FAT3: variants seen among roughly 807,000 people sequenced by gnomAD.
FAT3 encodes the protein protocadherin Fat 3.
In FAT3, 95 loss-of-function variants were observed where a neutral mutation model predicts 310.2. The observed-to-expected ratio is 0.31, with a 90% CI of 0.26 to 0.36. The LOEUF (loss-of-function observed/expected upper bound fraction) is 0.36. FAT3 is among the 10% of genes least tolerant of loss of function. The pLI, the probability that FAT3 is intolerant of heterozygous loss-of-function variation, is 1.00. For missense variants in FAT3, 5,408 were observed against 5,715.6 expected, an observed-to-expected ratio of 0.95 and a Z score of 1.74; for synonymous variants, 2,314 against 2,192.9, an observed-to-expected ratio of 1.06 and a Z score of -1.54.
intron 3 of FAT3, among the ~76,000 whole-genome samples, chr11:92,566,359 A>G (rs1017387297): frequency 2.0e-5 from 3 of 152,176 alleles, no homozygotes; most frequent in Admixed American, 2.0e-4. Context: ...AAGGAGAACT[A>G]CAAACCACTG....
chr11:92,702,145 A>C (rs1944115160), intron 4 of FAT3, among the ~76,000 whole-genome samples: 1 of 152,178 alleles, frequency 6.6e-6, no homozygotes, highest in African/African-American at 2.4e-5. Flanking sequence ...GAGTAGATTA[A>C]ATGACAGGTG....
chr11:92,430,482 G>A (rs1285139202), intron 2 of FAT3, among the ~76,000 whole-genome samples: 2 of 151,306 alleles, frequency 1.3e-5, no homozygotes, highest in Non-Finnish European at 2.9e-5. Flanking sequence ...TCTACCTTTG[G>A]TCTTTGATTT....
At chr11:92,226,549 G>A (rs1863915830) in intron 1 of FAT3, among the ~76,000 whole-genome samples, 1 of 151,924 alleles carries the variant, frequency 6.6e-6, no homozygotes, top group Non-Finnish European at 1.5e-5. Context: ...ACATCCTGAG[G>A]CTGCAGCTCG....
intron 3 of FAT3, among the ~76,000 whole-genome samples, chr11:92,661,306 T>C (rs535514613): frequency 6.6e-6 from 1 of 152,246 alleles, no homozygotes; most frequent in South Asian, 2.1e-4. Context: ...GGGATAACCT[T>C]GATTAAAGAT....
chr11:92,592,237 A>G (rs1939465193), intron 3 of FAT3, among the ~76,000 whole-genome samples: 1 of 152,000 alleles, frequency 6.6e-6, no homozygotes, highest in South Asian at 2.1e-4. Context: ...CAAACATGTA[A>G]CAGTTTTAAA....
At chr11:92,515,917 T>A (rs1953466393) in intron 2 of FAT3, among the ~76,000 whole-genome samples, 1 of 151,800 alleles carries the variant, frequency 6.6e-6, no homozygotes, top group African/African-American at 2.4e-5. Flanking sequence ...TTATAAAAAA[T>A]TGGTTAGAAG....
chr11:92,646,877 C>T (rs1942187897), intron 3 of FAT3, among the ~76,000 whole-genome samples: 1 of 152,162 alleles, frequency 6.6e-6, no homozygotes, highest in Non-Finnish European at 1.5e-5. Flanking sequence ...TTTGGAAGGA[C>T]TTGTAGGAAA....
intron 19 of FAT3, among the ~76,000 whole-genome samples, chr11:92,847,501 GT>G (rs1210649039): frequency 1.2e-4 from 19 of 152,186 alleles, no homozygotes; most frequent in African/African-American, 4.6e-4. Flanking sequence ...TGACCGTAAT[GT>G]GATTTTCCTA....
chr11:92,740,000 G>A (rs1176542500), intron 4 of FAT3, among the ~76,000 whole-genome samples: 1 of 152,088 alleles, frequency 6.6e-6, no homozygotes, highest in Non-Finnish European at 1.5e-5. Flanking sequence ...AACTATCTGG[G>A]CAATGTCATG....
Position 92,882,797 on chromosome 11 carries a change from T to A in FAT3, c.12341T>A (p.Val4114Glu), listed in dbSNP as rs1949703434. 1 of 1,611,984 alleles carries A rather than the reference T, an allele frequency of 6.2e-7. No individual in the cohort carries two copies. Among genetic ancestry groups the A allele is most frequent in the African/African-American group, 1.3e-5 (1 of 74,904 alleles). Residue 4114 changes from valine (V) to glutamate (E), a missense_variant, in exon 24 of 28, where the codon GTG becomes GAG. Val to Glu is a moderately radical substitution (Grantham distance 121). Coordinates refer to ENST00000525166, the MANE Select transcript of FAT3 (RefSeq NM_001367949.2). The stretch of plus-strand genomic sequence containing the variant: ...GAGTGTGAGAACGGAGGCTCCTGCG[T>A]GAACGTGTTCGGCTCCTTCCTCTGC... ...REECENGGSC[V>E]NVFGSFLCNC...
At chr11:92,730,456 A>C (rs930126615) in intron 4 of FAT3, among the ~76,000 whole-genome samples, 1 of 152,192 alleles carries the variant, frequency 6.6e-6, no homozygotes, top group Non-Finnish European at 1.5e-5. Context: ...TTATTTGGCT[A>C]TTTGGAAGGT....
chr11:92,671,162 A>G (rs1296782084), intron 3 of FAT3, among the ~76,000 whole-genome samples: 1 of 151,894 alleles, frequency 6.6e-6, no homozygotes, highest in Non-Finnish European at 1.5e-5. Flanking sequence ...CTTGTGCCTC[A>G]GCCTCCTGAG....
chr11:92,237,856 T>C (rs1160801870), intron 1 of FAT3, among the ~76,000 whole-genome samples: 1 of 152,202 alleles, frequency 6.6e-6, no homozygotes, highest in Non-Finnish European at 1.5e-5. Context: ...TGAGTATTAC[T>C]ATCTGAGATC....
intron 2 of FAT3, among the ~76,000 whole-genome samples, chr11:92,491,963 C>T (rs1210369835): frequency 6.6e-6 from 1 of 151,952 alleles, no homozygotes; most frequent in African/African-American, 2.4e-5. Flanking sequence ...ATCCACAGCC[C>T]CTGTATCCAT....
At chr11:92,343,468 C>G (rs1486183530) in intron 1 of FAT3, among the ~76,000 whole-genome samples, 1 of 151,960 alleles carries the variant, frequency 6.6e-6, no homozygotes, top group African/African-American at 2.4e-5. Flanking sequence ...ATGACCTTGG[C>G]TTTTGGTTTT....
At chr11:92,385,778 C>T (rs1050803460) in intron 2 of FAT3, among the ~76,000 whole-genome samples, 5 of 152,018 alleles carry the variant, frequency 3.3e-5, no homozygotes, top group African/African-American at 1.2e-4. Flanking sequence ...AGTTTTTTAC[C>T]TCTTATAAAT....
chr11:92,865,272 G>A (rs181115009), intron 21 of FAT3, among the ~76,000 whole-genome samples: 4 of 152,342 alleles, frequency 2.6e-5, no homozygotes, highest in East Asian at 1.9e-4. Flanking sequence ...AATACGTGAC[G>A]TGTGAGAATG....
intron 3 of FAT3, among the ~76,000 whole-genome samples, chr11:92,536,044 G>T (rs574869926): frequency 1.3e-5 from 2 of 152,298 alleles, no homozygotes; most frequent in East Asian, 3.9e-4. Context: ...AGAACTTAAA[G>T]TCCAGTTTTA....
intron 1 of FAT3, among the ~76,000 whole-genome samples, chr11:92,228,499 T>C (rs547662864): frequency 6.6e-6 from 1 of 152,348 alleles, no homozygotes; most frequent in African/African-American, 2.4e-5. Context: ...GAAGAACATT[T>C]TGATGTGTCA....
Sources: gnomAD v4.1 joint callset for allele counts (sites outside exome capture counted in the v4.1 genomes callset) on GRCh38, gnomAD v4.1.1 for gene constraint, MANE v1.5 for transcripts, NCBI Gene and HGNC (gene_info 2026-07-23, HGNC 2026-07-21) for gene names.